Variants in SUCLG2 observed in about 807,000 individuals in gnomAD.
SUCLG2 encodes succinate-CoA ligase GDP-forming subunit beta, also known as succinate--CoA ligase [GDP-forming] subunit beta, mitochondrial.
In SUCLG2, 42 loss-of-function variants were observed where a neutral mutation model predicts 47.9. The ratio of observed to expected loss-of-function variants is 0.88; its 90% confidence interval spans 0.69 to 1.14. The LOEUF is 1.14. SUCLG2 is among the 50% of genes most tolerant of loss of function. SUCLG2 has a pLI of 0.00. For missense variants in SUCLG2, 571 were observed against 525.9 expected (o/e 1.09, Z -0.84); for synonymous variants, 195 against 197.3 (o/e 0.99, Z 0.10).
At chr3:67,576,725 G>A (rs894486630) in intron 2 of SUCLG2, among the ~76,000 whole-genome samples, 5 of 152,250 alleles carry the variant, frequency 3.3e-5, no homozygotes, top group East Asian at 1.9e-4. Flanking sequence ...TTTCAGTTGA[G>A]AGTTACTCTC....
chr3:67,628,711 C>T (rs551756676), intron 1 of SUCLG2, among the ~76,000 whole-genome samples: 3 of 152,254 alleles, frequency 2.0e-5, no homozygotes, highest in African/African-American at 7.2e-5. Flanking sequence ...TTGCCTGCCA[C>T]CCTGTAAAAT....
At chr3:67,396,596 A>G (rs1575668447) in intron 10 of SUCLG2, among the ~76,000 whole-genome samples, 1 of 152,302 alleles carries the variant, frequency 6.6e-6, no homozygotes, top group East Asian at 1.9e-4. Flanking sequence ...CAGAGGTACA[A>G]GGAGGAACTG....
chr3:67,569,317 C>G (rs756181822), intron 2 of SUCLG2, among the ~76,000 whole-genome samples: 1 of 152,204 alleles, frequency 6.6e-6, no homozygotes, highest in Non-Finnish European at 1.5e-5. Context: ...CCTGTCTCCC[C>G]AAGTAGACTG....
chr3:67,489,696 G>A lies in SUCLG2; in HGVS notation c.1062+6102C>T, dbSNP rs4485733. Among the ~76,000 whole-genome samples, 684 of 152,226 alleles carry A rather than the reference G, an allele frequency of 4.5e-3. 12 individuals carry two copies. In the East Asian group the frequency reaches 0.059, roughly 13 times the overall value. On this transcript the variant is annotated intron_variant, in intron 9 of 10. Coordinates refer to ENST00000307227, the MANE Select transcript of SUCLG2 (RefSeq NM_003848.4). Reference sequence around the variant, plus strand: ...AAGAAAACAGTCGCTTGCAGATAAGGTATTTCAGCAAACACATGTGGTGTG... The same window carrying A: ...AAGAAAACAGTCGCTTGCAGATAAGATATTTCAGCAAACACATGTGGTGTG...
At chr3:67,594,913 C>T (rs1708258963) in intron 2 of SUCLG2, among the ~76,000 whole-genome samples, 1 of 152,130 alleles carries the variant, frequency 6.6e-6, no homozygotes, top group Non-Finnish European at 1.5e-5. Context: ...GAAAGAATTA[C>T]ACCAGATTTT....
At chr3:67,426,845 TGAACCCTG>T (rs1703314249) in intron 9 of SUCLG2, among the ~76,000 whole-genome samples, 2 of 152,134 alleles carry the variant, frequency 1.3e-5, no homozygotes, top group African/African-American at 2.4e-5. Context: ...GGGAATCACT[TGAACCCTG>T]GAAGCGGAGG....
At chr3:67,647,345 G>T (rs1701210339) in intron 1 of SUCLG2, among the ~76,000 whole-genome samples, 1 of 152,040 alleles carries the variant, frequency 6.6e-6, no homozygotes, top group Non-Finnish European at 1.5e-5. Flanking sequence ...TATTCTTTTG[G>T]AATCATTTCT....
intron 9 of SUCLG2, among the ~76,000 whole-genome samples, chr3:67,411,521 T>C (rs60931405): frequency 0.46 from 70,571 of 151,876 alleles, 17,077 homozygotes; most frequent in Non-Finnish European, 0.54. Flanking sequence ...AACATAAGAT[T>C]CCAGCTATGA....
chr3:67,651,913 A>C (rs943782662), intron 1 of SUCLG2, among the ~76,000 whole-genome samples: 1 of 152,140 alleles, frequency 6.6e-6, no homozygotes, highest in African/African-American at 2.4e-5. Flanking sequence ...CATTGGCTGA[A>C]ATCATTTTCA....
chr3:67,579,634 A>C (rs1158134860), intron 2 of SUCLG2, among the ~76,000 whole-genome samples: 1 of 152,176 alleles, frequency 6.6e-6, no homozygotes, highest in African/African-American at 2.4e-5. Context: ...CTGTTCTAGG[A>C]GCACAGTGAT....
At chr3:67,521,966 T>C (rs528057750) in intron 4 of SUCLG2, among the ~76,000 whole-genome samples, 1 of 152,224 alleles carries the variant, frequency 6.6e-6, no homozygotes, top group South Asian at 2.1e-4. Flanking sequence ...TTCTAAGGTC[T>C]TCTCTCTTCA....
At chr3:67,443,173 T>A (rs1703815829) in intron 9 of SUCLG2, among the ~76,000 whole-genome samples, 1 of 152,202 alleles carries the variant, frequency 6.6e-6, no homozygotes, top group Non-Finnish European at 1.5e-5. Context: ...GTTATATGCA[T>A]ATATTGTATC....
At chr3:67,525,260 C>A (rs143812588) in intron 4 of SUCLG2, among the ~76,000 whole-genome samples, 1 of 151,952 alleles carries the variant, frequency 6.6e-6, no homozygotes, top group African/African-American at 2.4e-5. Flanking sequence ...AAGATTTTTT[C>A]GTAAAGATAA....
chr3:67,517,053 T>C (rs1262242180), intron 6 of SUCLG2, among the ~76,000 whole-genome samples: 1 of 152,206 alleles, frequency 6.6e-6, no homozygotes, highest in Non-Finnish European at 1.5e-5. Context: ...GTCTCAGAAA[T>C]GGCAATTAGT....
At chr3:67,498,944 G>T (rs1705422408) in intron 7 of SUCLG2, among the ~76,000 whole-genome samples, 1 of 152,196 alleles carries the variant, frequency 6.6e-6, no homozygotes, top group African/African-American at 2.4e-5. Context: ...TTATTCTCAA[G>T]ATGTAAAGCC....
At chr3:67,570,826 G>T (rs1009002797) in intron 2 of SUCLG2, among the ~76,000 whole-genome samples, 3 of 152,236 alleles carry the variant, frequency 2.0e-5, no homozygotes, top group Middle Eastern at 6.8e-3. Flanking sequence ...TTCTTTGACT[G>T]ATCTGATTTC....
chr3:67,369,790 C>T (rs1701927732), downstream of SUCLG2, among the ~76,000 whole-genome samples: 1 of 152,150 alleles, frequency 6.6e-6, no homozygotes, highest in Admixed American at 6.6e-5. Context: ...CATAGATCAG[C>T]CCAGGCATTC....
chr3:67,544,327 G>A (rs978616716), intron 2 of SUCLG2, among the ~76,000 whole-genome samples: 1 of 152,170 alleles, frequency 6.6e-6, no homozygotes, highest in Admixed American at 6.5e-5. Context: ...TGTGAAGGGA[G>A]GGACCTAGTG....
chr3:67,528,304 C>G (rs1706310373), intron 3 of SUCLG2, 82 bp from the exon 4 acceptor site: 1 of 1,237,536 alleles, frequency 8.1e-7, no homozygotes, highest in South Asian at 1.3e-5. Flanking sequence ...AGCCTCATGT[C>G]TACACTGCAA....
Sources: gnomAD v4.1 joint callset for allele counts (sites outside exome capture counted in the v4.1 genomes callset) on GRCh38, gnomAD v4.1.1 for gene constraint, MANE v1.5 for transcripts, NCBI Gene and HGNC (gene_info 2026-07-23, HGNC 2026-07-21) for gene names.